Variants in CXXC5 observed in about 807,000 individuals in gnomAD.
The protein encoded by CXXC5 is CXXC finger protein 5.
CXXC5 carries 2 observed loss-of-function variants against 17.6 expected under a neutral mutation model. The observed-to-expected ratio is 0.11, with a 90% CI of 0.05 to 0.36. CXXC5 has a LOEUF of 0.36. Ranked by LOEUF, CXXC5 falls within the 10% of genes least tolerant of loss-of-function variation. The probability of loss-of-function intolerance (pLI) is 1.00; values close to 1 mark genes in which losing one functional copy is unlikely to be tolerated. For synonymous variants in CXXC5, 171 were observed against 193.0 expected (o/e 0.89, Z 0.94); for missense variants, 343 against 458.3 (o/e 0.75, Z 2.30).
rs960547993 is a variant in CXXC5 at position 139,661,758 on chromosome 5, G to A, written c.-161+12913G>A. Among the ~76,000 whole-genome samples the A allele has an allele frequency of 5.3e-5, 8 of 152,256 alleles. No homozygotes were observed. The highest frequency in any genetic ancestry group is 1.4e-4 in the African/African-American group (6 of 41,464). Reference sequence around the variant, plus strand: ...AGACGCCCCGTGTTTAGGCTTACACGGAAGAGGCCCGGCCTTCAGCCATGT... The same window carrying A: ...AGACGCCCCGTGTTTAGGCTTACACAGAAGAGGCCCGGCCTTCAGCCATGT... On this transcript the variant is annotated intron_variant, in intron 1 of 2. Coordinates refer to ENST00000302517, the MANE Select transcript of CXXC5 (RefSeq NM_016463.9). This position sits in a 1 kb window ranked among gnomAD's most constrained non-coding sequence, Gnocchi z 4.7.
intron 1 of CXXC5, among the ~76,000 whole-genome samples, chr5:139,665,007 A>G (rs971299784): frequency 1.3e-5 from 2 of 152,200 alleles, no homozygotes; most frequent in African/African-American, 4.8e-5. Flanking sequence ...CCCCCAGACT[A>G]TCCTCCTGGT....
At chr5:139,666,046 G>A (rs540413747) in intron 1 of CXXC5, among the ~76,000 whole-genome samples, 12 of 152,274 alleles carry the variant, frequency 7.9e-5, no homozygotes, top group Middle Eastern at 6.8e-3. Flanking sequence ...ATTCTCAAAG[G>A]CTTTTTCAAA....
Position 139,663,629 on chromosome 5 carries a change from A to C in CXXC5, c.-161+14784A>C, listed in dbSNP as rs1359480816. Among the ~76,000 whole-genome samples, 41 of 152,232 alleles carry C rather than the reference A, an allele frequency of 2.7e-4. 1 individual carries two copies. Among genetic ancestry groups the C allele is most frequent in the Non-Finnish European group, 1.5e-5 (1 of 67,996 alleles). On this transcript the variant is annotated intron_variant, in intron 1 of 2. Coordinates refer to ENST00000302517, the MANE Select transcript of CXXC5 (RefSeq NM_016463.9). This position sits in a 1 kb window ranked among gnomAD's most constrained non-coding sequence, Gnocchi z 4.2. ...TGGGGCTGGGGAAACTGAGGCATGA[A>C]GGATTGCCTCAGAGCTCAAAAGCAA...
In CXXC5 at chr5:139,670,513, C is replaced by T. The variant is rs546997870; in HGVS notation, c.-160-9851C>T. Among the ~76,000 whole-genome samples, 54 of 152,288 alleles carry T rather than the reference C, an allele frequency of 3.5e-4. No homozygotes were observed. The highest frequency in any genetic ancestry group is 1.2e-3 in the African/African-American group (50 of 41,538). ...CACCAGTTCCTGTCTACACCATCCCCGTCCCAGTAGGGCCCCAGACTCATA... is the reference window on the plus strand; with the variant it reads ...CACCAGTTCCTGTCTACACCATCCCTGTCCCAGTAGGGCCCCAGACTCATA... On this transcript the variant is annotated intron_variant, in intron 1 of 2. Coordinates refer to ENST00000302517, the MANE Select transcript of CXXC5 (RefSeq NM_016463.9). This position sits in a 1 kb window ranked among gnomAD's most constrained non-coding sequence, Gnocchi z 4.2.
At chr5:139,681,472 T>C (rs1452182398) in intron 2 of CXXC5, 25 bp downstream of exon 2, 13 of 1,532,044 alleles carry the variant, frequency 8.5e-6, no homozygotes, top group Non-Finnish European at 1.1e-5. Flanking sequence ...GAGGGAGGTG[T>C]GTGGGCTCTT....
At chr5:139,671,424 GC>G (rs1411778179) in intron 1 of CXXC5, among the ~76,000 whole-genome samples, 1 of 152,212 alleles carries the variant, frequency 6.6e-6, no homozygotes, top group East Asian at 1.9e-4. Context: ...TGCTGTGACT[GC>G]CCCCGGGAGA....
rs1311320694 is a variant in CXXC5 at position 139,683,219 on chromosome 5, G to GTGTCGA, written c.*322_*327dup. Reference sequence around the variant, plus strand: ...AGAATGGACAATCAGTTTCCTTCCTGTGTCGATGTCGATGTTGTCTGTGCA... The same window carrying GTGTCGA: ...AGAATGGACAATCAGTTTCCTTCCTGTGTCGATGTCGATGTCGATGTTGTCTGTGCA... On this transcript the variant is annotated 3_prime_UTR_variant, in exon 3 of 3. Transcript: ENST00000302517. 18 of 265,428 alleles carry GTGTCGA rather than the reference G, an allele frequency of 6.8e-5. No individual in the cohort carries two copies. The highest frequency in any genetic ancestry group is 1.2e-4 in the Non-Finnish European group (17 of 143,144). The allele number at this position is 265,428 out of a possible 1,614,324, so 16.4% of individuals were successfully genotyped here. A position where few individuals can be genotyped will look rare whatever the true frequency, so the allele number is the denominator to read the frequency against.
intron 1 of CXXC5, among the ~76,000 whole-genome samples, chr5:139,672,310 G>T (rs1348263803): frequency 1.3e-5 from 2 of 152,146 alleles, no homozygotes; most frequent in South Asian, 2.1e-4. Context: ...TAAAGACAGG[G>T]TTTCTCCATG....
At chr5:139,656,662 T>G (rs1041914266) in intron 1 of CXXC5, among the ~76,000 whole-genome samples, 2 of 152,246 alleles carry the variant, frequency 1.3e-5, no homozygotes, top group African/African-American at 4.8e-5. Context: ...AATAAGTGTT[T>G]GAAGAACTTT....
chr5:139,670,045 T>C lies in CXXC5; in HGVS notation c.-160-10319T>C, dbSNP rs1177803246. Among the ~76,000 whole-genome samples, 2 of 152,130 alleles carry C rather than the reference T, an allele frequency of 1.3e-5. No individual in the cohort carries two copies. Among genetic ancestry groups the C allele is most frequent in the South Asian group, 2.1e-4 (1 of 4,822 alleles). Reference sequence around the variant, plus strand: ...GGTTCTGCAGCACTGTGGCGGCGGCTCCTCTCCAGGCGCCCAGCTGTGGCA... The same window carrying C: ...GGTTCTGCAGCACTGTGGCGGCGGCCCCTCTCCAGGCGCCCAGCTGTGGCA... On this transcript the variant is annotated intron_variant, in intron 1 of 2. Transcript: ENST00000302517. This position sits in a 1 kb window ranked among gnomAD's most constrained non-coding sequence, Gnocchi z 4.2.
rs769374809 is a variant in CXXC5 at position 139,682,852 on chromosome 5, G to T, written c.925-11G>T. 2 of 1,588,168 alleles carry T rather than the reference G, an allele frequency of 1.3e-6. No individual in the cohort carries two copies. The highest frequency in any genetic ancestry group is 1.1e-5 in the South Asian group (1 of 87,602). On this transcript the variant is annotated splice_polypyrimidine_tract_variant and intron_variant, in intron 2 of 2. Coordinates refer to ENST00000302517, the MANE Select transcript of CXXC5 (RefSeq NM_016463.9). ...AACTCTCTCCTTGTTTTTGTCTCCCGCCCCCGCCAGAAGGTGATGCTTCCG... is the reference window on the plus strand; with the variant it reads ...AACTCTCTCCTTGTTTTTGTCTCCCTCCCCCGCCAGAAGGTGATGCTTCCG...
intron 1 of CXXC5, among the ~76,000 whole-genome samples, chr5:139,662,367 G>A (rs571820227): frequency 1.2e-4 from 18 of 152,232 alleles, no homozygotes; most frequent in African/African-American, 4.1e-4. Flanking sequence ...GCCTCTGCCC[G>A]CCTTTGGGGT....
At position 139,650,896 on chromosome 5, in the gene CXXC5, G is replaced by C. The variant is rs548841430; in HGVS notation, c.-161+2051G>C. On this transcript the variant is annotated intron_variant, in intron 1 of 2. Transcript: ENST00000302517. ...GATGAGAGTCAGGCTGGAGCTTGGG[G>C]GGGTGGGGAGTGGCCCGCTCTGCAG... 9 of 152,344 alleles carry C rather than the reference G, an allele frequency of 5.9e-5. No homozygotes were observed. The East Asian group carries it at 1.7e-3, about 30-fold the overall frequency. 9.4% of individuals were successfully genotyped at this position (152,344 alleles called of 1,614,324 possible).
Position 139,681,332 on chromosome 5 carries a change from G to A in CXXC5, c.809G>A (p.Arg270Gln), listed in dbSNP as rs1314626635. The change falls in exon 2 of 3, where the codon CGG becomes CAG. Residue 270 changes from arginine (R) to glutamine (Q), a missense_variant. By Grantham distance (43) the Arg-to-Gln change is conservative. Around this residue, in one of 4 missense-constraint regions of CXXC5, gnomAD observed 21 missense variants for 41.0 expected, o/e 0.51. Transcript: ENST00000302517. ...RKRCGMCAPC[R>Q]RRINCEQCSS... ...CGCTGCGGCATGTGCGCGCCCTGCC[G>A]GCGGCGCATCAACTGCGAGCAGTGC... 6.2e-7 allele frequency: 1 copy of A among 1,612,586 alleles called. No individual in the cohort carries two copies.
chr5:139,652,302 C>T (rs899297013), intron 1 of CXXC5, among the ~76,000 whole-genome samples: 4 of 152,120 alleles, frequency 2.6e-5, no homozygotes, highest in South Asian at 2.1e-4. Flanking sequence ...CCGTTACTCA[C>T]GCGCTACTGC....
chr5:139,650,608 C>T (rs2126732321), intron 1 of CXXC5, among the ~76,000 whole-genome samples: 1 of 152,338 alleles, frequency 6.6e-6, no homozygotes, highest in East Asian at 1.9e-4. Flanking sequence ...TCCACCTCAG[C>T]TGCCCCAGGC....
intron 1 of CXXC5, among the ~76,000 whole-genome samples, chr5:139,650,133 C>T (rs1184035887): frequency 6.6e-6 from 1 of 152,172 alleles, no homozygotes; most frequent in African/African-American, 2.4e-5. Flanking sequence ...TGGGCTGGTG[C>T]CTCGGGCTGC....
At chr5:139,655,947 G>T (rs1332402679) in intron 1 of CXXC5, among the ~76,000 whole-genome samples, 1 of 152,192 alleles carries the variant, frequency 6.6e-6, no homozygotes, top group Non-Finnish European at 1.5e-5. Context: ...TCCAGCTGCC[G>T]GCCCCAGCAG....
Position 139,681,197 on chromosome 5 carries a change from C to A in CXXC5, c.674C>A (p.Pro225Gln). The A allele has an allele frequency of 2.5e-6, 4 of 1,612,898 alleles. No homozygotes were observed. Among genetic ancestry groups the A allele is most frequent in the Non-Finnish European group, 3.4e-6 (4 of 1,179,968 alleles). ...PINPGLFIMT[P>Q]AGVFLAESAL... ...AACCCAGGCCTCTTCATTATGACCC[C>A]GGCAGGTGTGTTCCTGGCCGAGAGC... is the stretch of plus-strand genomic sequence containing the variant. Residue 225 changes from proline (P) to glutamine (Q), a missense_variant, in exon 2 of 3, where the codon CCG (proline) becomes CAG (glutamine). Pro to Gln is a moderately conservative substitution (Grantham distance 76). Coordinates refer to ENST00000302517, the MANE Select transcript of CXXC5 (RefSeq NM_016463.9).
Sources: gnomAD v4.1 joint callset for allele counts (sites outside exome capture counted in the v4.1 genomes callset) on GRCh38, gnomAD v4.1.1 for gene constraint, gnomAD v4.1.1 regional missense constraint, Gnocchi (gnomAD v3.1) non-coding constraint, MANE v1.5 for transcripts, NCBI Gene and HGNC (gene_info 2026-07-23, HGNC 2026-07-21) for gene names.